The following ECHDC2 variants were observed in gnomAD, a reference collection of about 807,000 sequenced individuals.
The protein encoded by ECHDC2 is enoyl-CoA hydratase domain containing 2.
Under a neutral mutation model 40.6 loss-of-function variants are expected in ECHDC2, and 34 were observed. That is an observed-to-expected ratio of 0.84 (90% confidence interval 0.64 to 1.11). The LOEUF (loss-of-function observed/expected upper bound fraction) is 1.11. ECHDC2 is among the 50% of genes most tolerant of loss of function. The probability of loss-of-function intolerance (pLI) is 0.00; values close to 1 mark genes in which losing one functional copy is unlikely to be tolerated. For synonymous variants in ECHDC2, 162 were observed against 166.6 expected, an observed-to-expected ratio of 0.97 and a Z score of 0.21; for missense variants, 392 against 400.7, an observed-to-expected ratio of 0.98 and a Z score of 0.19.
At chr1:52,920,531 A>G (rs924350060) in intron 1 of ECHDC2, 30 of 1,527,876 alleles carry the variant, frequency 2.0e-5, no homozygotes, top group Non-Finnish European at 2.7e-5. Context: ...TCGAGGAGCT[A>G]AAATGGAAGG....
At chr1:52,897,187 T>C in intron 9 of ECHDC2, 1 of 565,026 alleles carries the variant, frequency 1.8e-6, no homozygotes, top group South Asian at 2.2e-5. Flanking sequence ...CTTAAGGACC[T>C]GTGTTCTGTG....
chr1:52,915,387 C>G, intron 1 of ECHDC2: 1 of 455,328 alleles, frequency 2.2e-6, no homozygotes, highest in South Asian at 1.5e-5. Flanking sequence ...TCTCAAGGGA[C>G]AGGGTGTTCA....
intron 8 of ECHDC2, chr1:52,898,270 G>T (rs1325275408): frequency 2.0e-5 from 3 of 152,448 alleles, no homozygotes; most frequent in Non-Finnish European, 4.4e-5. Context: ...GCCCAGGCTG[G>T]AGTGCAGTGG....
In ECHDC2 at chr1:52,906,466, A is replaced by G. The variant is rs2298147; in HGVS notation, c.457+53T>C. 4,289 of 1,421,878 alleles carry G rather than the reference A, an allele frequency of 3.0e-3. 107 individuals are homozygous for G. In the East Asian group the frequency reaches 0.042, roughly 14 times the overall value. 88.1% of individuals were successfully genotyped at this position (1,421,878 alleles called of 1,614,324 possible). ...AGAATGTCCAGACTCACCCTGTTTC[A>G]CTCACCCCTGACTCCCTAGCCCCAC... On this transcript the variant is annotated intron_variant, in intron 5 of 9. Transcript: ENST00000371522.
chr1:52,903,050 C>G (rs1571926213), intron 7 of ECHDC2, among the ~76,000 whole-genome samples: 1 of 152,120 alleles, frequency 6.6e-6, no homozygotes, highest in Admixed American at 6.5e-5. Context: ...ACCCAACCCC[C>G]TGTATCCTGG....
intron 1 of ECHDC2, among the ~76,000 whole-genome samples, chr1:52,918,032 G>A (rs972245665): frequency 1.3e-5 from 2 of 152,020 alleles, no homozygotes; most frequent in Admixed American, 6.6e-5. Flanking sequence ...ACAGTAACAC[G>A]ATCATGGCTC....
intron 1 of ECHDC2, chr1:52,920,656 C>G (rs1314952734): frequency 1.4e-6 from 1 of 733,722 alleles, no homozygotes; most frequent in African/African-American, 1.8e-5. Flanking sequence ...TTAAACCTCT[C>G]TATTCCCTGC....
At chr1:52,907,657 T>G (rs1571952846) in intron 4 of ECHDC2, 1 of 537,474 alleles carries the variant, frequency 1.9e-6, no homozygotes, top group Non-Finnish European at 3.3e-6. Context: ...ACCCTGAGGG[T>G]GGGGCGGGAC....
chr1:52,910,352 G>GCTTT (rs1649094598), intron 3 of ECHDC2, among the ~76,000 whole-genome samples: 5 of 32,102 alleles, frequency 1.6e-4, no homozygotes, highest in Admixed American at 6.2e-4. Context: ...CCACAATTTC[G>GCTTT]TTTTTTTTTT....
In ECHDC2 at chr1:52,899,217, A is replaced by T. The variant is rs113731486; in HGVS notation, c.710T>A (p.Ile237Asn). 249 of 1,612,622 alleles carry T rather than the reference A, an allele frequency of 1.5e-4. 7 individuals carry two copies. In the African/African-American group the frequency reaches 2.7e-3, roughly 18 times the overall value. The change falls in exon 8 of 10, where the codon ATT (isoleucine) becomes AAT (asparagine). Residue 237 changes from isoleucine (I) to asparagine (N), a missense_variant. Transcript: ENST00000371522. ...GGCTACTTTGCCCAGCCGCACGGCAATGGGGGCCTAGGGAAAAGCAAAAAG... is the reference window on the plus strand; with the variant it reads ...GGCTACTTTGCCCAGCCGCACGGCATTGGGGGCCTAGGGAAAAGCAAAAAG... ...LAQEILPQAP[I>N]AVRLGKVAID...
rs954447785 is a variant in ECHDC2, at chr1:52,908,865, A to G, written c.278-911T>C. Among the ~76,000 whole-genome samples the G allele has an allele frequency of 6.8e-5, 10 of 146,832 alleles. No individual in the cohort carries two copies. In the East Asian group the frequency reaches 1.3e-3, roughly 19 times the overall value. ...TGAGGCAGGAGAATCGCGTGAGCCC[A>G]GGAGGCAGAGGTTACAGTGAGCCAA... On this transcript the variant is annotated intron_variant, in intron 3 of 9. Coordinates refer to ENST00000371522, the MANE Select transcript of ECHDC2 (RefSeq NM_001198961.2).
In ECHDC2 at chr1:52,898,920, TC is replaced by T. The variant is rs796415660; in HGVS notation, c.753+253del. 36 of 558,338 alleles carry T rather than the reference TC, an allele frequency of 6.4e-5. No individual in the cohort carries two copies. In the African/African-American group the frequency reaches 6.6e-4, roughly 10 times the overall value. The allele number at this position is 558,338 out of a possible 1,614,324, so 34.6% of individuals were successfully genotyped here. The stretch of plus-strand genomic sequence containing the variant: ...CACTTCCTCTGAGACCTTGGGCAAA[TC>T]ATTTACCCTTTCTTAACCTCAATCT... On this transcript the variant is annotated intron_variant, in intron 8 of 9. Coordinates refer to ENST00000371522, the MANE Select transcript of ECHDC2 (RefSeq NM_001198961.2).
chr1:52,906,163 T>C, intron 5 of ECHDC2: 2 of 370,998 alleles, frequency 5.4e-6, no homozygotes, highest in South Asian at 2.1e-5. Flanking sequence ...AAACTATCCC[T>C]GAGGCTCACC....
At chr1:52,898,147 C>T (rs926620430) in intron 8 of ECHDC2, 1 of 153,618 alleles carries the variant, frequency 6.5e-6, no homozygotes, top group African/African-American at 2.4e-5. Flanking sequence ...GTATGGTAGC[C>T]ACTAGCCGCA....
rs1649634241 is a variant in ECHDC2 at position 52,911,998 on chromosome 1, A to G, written c.122-208T>C. ...AAAACCCTTGCTCTTTCTGCCTCAG[A>G]GAGAAAGTGGAAGGACTTGTAAACT... On this transcript the variant is annotated intron_variant, in intron 1 of 9. Coordinates refer to ENST00000371522, the MANE Select transcript of ECHDC2 (RefSeq NM_001198961.2). 8 of 1,426,540 alleles carry G rather than the reference A, an allele frequency of 5.6e-6. No individual in the cohort carries two copies. The South Asian group carries it at 1.1e-4, about 19-fold the overall frequency. The allele number at this position is 1,426,540 out of a possible 1,614,324, so 88.4% of individuals were successfully genotyped here.
At chr1:52,920,536 G>C in intron 1 of ECHDC2, 1 of 1,508,456 alleles carries the variant, frequency 6.6e-7, no homozygotes, top group Non-Finnish European at 9.1e-7. Context: ...GAGCTAAAAT[G>C]GAAGGCCACG....
chr1:52,897,107 T>C, intron 9 of ECHDC2: 1 of 428,920 alleles, frequency 2.3e-6, no homozygotes, highest in Non-Finnish European at 4.3e-6. Flanking sequence ...AACCAAGCCC[T>C]TGACCTCCCA....
chr1:52,921,535 C>G lies in ECHDC2; in HGVS notation c.121+18G>C. The G allele has an allele frequency of 1.2e-6, 2 of 1,605,894 alleles. No individual in the cohort carries two copies. Among genetic ancestry groups the G allele is most frequent in the Non-Finnish European group, 1.7e-6 (2 of 1,176,948 alleles). On this transcript the variant is annotated intron_variant, in intron 1 of 9. Transcript: ENST00000371522. ...AGTCCCAGTCGCGTCATGCGCCGCC[C>G]CGGAACTGCACATTTACCTTGGTCC...
intron 3 of ECHDC2, among the ~76,000 whole-genome samples, chr1:52,908,956 G>GAAAAAAAAAAAA (rs1190885771): frequency 2.1e-5 from 3 of 141,826 alleles, no homozygotes; most frequent in Non-Finnish European, 3.0e-5. Flanking sequence ...AAAAAAAAAG[G>GAAAAAAAAAAAA]AAAAAGGACT....
Sources: allele counts gnomAD v4.1 joint callset (sites outside exome capture counted in the v4.1 genomes callset), GRCh38; gene constraint gnomAD v4.1.1; transcripts MANE v1.5; gene names NCBI Gene and HGNC (gene_info 2026-07-23, HGNC 2026-07-21).